Variants in SHISAL1 observed in about 807,000 individuals in gnomAD.
SHISAL1 encodes the protein shisa like 1, also known as protein shisa-like-1.
SHISAL1 carries 9 observed loss-of-function variants against 22.6 expected under a neutral mutation model. The observed-to-expected ratio is 0.40, with a 90% CI of 0.24 to 0.70. SHISAL1 has a LOEUF of 0.70. Ranked by LOEUF, SHISAL1 falls within the 30% of genes least tolerant of loss-of-function variation. The pLI, the probability that SHISAL1 is intolerant of heterozygous loss-of-function variation, is 0.39. For missense variants in SHISAL1, 246 were observed against 270.6 expected, an observed-to-expected ratio of 0.91 and a Z score of 0.64; for synonymous variants, 119 against 115.4, an observed-to-expected ratio of 1.03 and a Z score of -0.20.
At chr22:44,294,981 T>A (rs898327428) in intron 3 of SHISAL1, among the ~76,000 whole-genome samples, 1 of 152,184 alleles carries the variant, frequency 6.6e-6, no homozygotes, top group Non-Finnish European at 1.5e-5. Flanking sequence ...ATGTTTGACA[T>A]CATAAAAAGT....
chr22:44,324,847 T>G, the SHISAL1 span, among the ~76,000 whole-genome samples: 1 of 152,182 alleles, frequency 6.6e-6, no homozygotes, highest in Non-Finnish European at 1.5e-5. Context: ...CCAAAGGCCT[T>G]TCTGTCCTAG....
intron 4 of SHISAL1, among the ~76,000 whole-genome samples, chr22:44,282,915 A>G (rs1298183618): frequency 6.6e-6 from 1 of 152,178 alleles, no homozygotes; most frequent in Non-Finnish European, 1.5e-5. Context: ...AGGCTGGGCC[A>G]CCCGGGGACC....
At chr22:44,316,255 C>A (rs181539650), upstream of SHISAL1, among the ~76,000 whole-genome samples, 18 of 152,272 alleles carry the variant, frequency 1.2e-4, no homozygotes, top group East Asian at 2.1e-3. Flanking sequence ...ATCTTACTAG[C>A]TTGGGACCTC....
chr22:44,280,972 T>A lies in SHISAL1; in HGVS notation c.599+4456A>T, dbSNP rs135401. On this transcript the variant is annotated intron_variant, in intron 4 of 4. Coordinates refer to ENST00000381176, the MANE Select transcript of SHISAL1 (RefSeq NM_001099294.2). ...ACCTCCCAGGACCCAGGCCACAGCC[T>A]CAGTGATGATGACAGCACAGCATGT... Among the ~76,000 whole-genome samples, 103 of 151,952 alleles carry A rather than the reference T, an allele frequency of 6.8e-4. 2 individuals are homozygous for A. The highest frequency in any genetic ancestry group is 2.6e-4 in the Admixed American group (4 of 15,274).
intron 4 of SHISAL1, among the ~76,000 whole-genome samples, chr22:44,276,147 G>A (rs1003530447): frequency 3.9e-5 from 6 of 152,186 alleles, no homozygotes; most frequent in Admixed American, 6.5e-5. Context: ...ACAAAGTGAC[G>A]GGGGGAGGTG....
chr22:44,249,322 A>T lies in SHISAL1; in HGVS notation c.*363T>A. 1 of 233,936 alleles carries T rather than the reference A, an allele frequency of 4.3e-6. No individual in the cohort carries two copies. 14.5% of individuals were successfully genotyped at this position (233,936 alleles called of 1,614,324 possible). A position where few individuals can be genotyped will look rare whatever the true frequency, so the allele number is the denominator to read the frequency against. ...AGGGGCAAGGGAAGCTTCGGTTTTCAACCACAGGTATAACTCACAGGCCTC... is the reference window on the plus strand; with the variant it reads ...AGGGGCAAGGGAAGCTTCGGTTTTCTACCACAGGTATAACTCACAGGCCTC... On this transcript the variant is annotated 3_prime_UTR_variant, in exon 5 of 5. Coordinates refer to ENST00000381176, the MANE Select transcript of SHISAL1 (RefSeq NM_001099294.2).
At chr22:44,277,064 C>T (rs2018067) in intron 4 of SHISAL1, among the ~76,000 whole-genome samples, 1 of 152,192 alleles carries the variant, frequency 6.6e-6, no homozygotes, top group Non-Finnish European at 1.5e-5. Context: ...TGGCGAACTC[C>T]TATTCATCCA....
chr22:44,300,379 T>A (rs2055419731), intron 2 of SHISAL1, among the ~76,000 whole-genome samples: 1 of 152,048 alleles, frequency 6.6e-6, no homozygotes. Context: ...GCAGAGGACT[T>A]AGTTTGTGCT....
the SHISAL1 span, among the ~76,000 whole-genome samples, chr22:44,325,146 G>A: frequency 6.6e-6 from 1 of 152,092 alleles, no homozygotes; most frequent in African/African-American, 2.4e-5. Flanking sequence ...GGGAGGCTGA[G>A]GCAAGAGAAT....
chr22:44,290,943 C>T (rs2055348844), intron 3 of SHISAL1, among the ~76,000 whole-genome samples: 1 of 152,132 alleles, frequency 6.6e-6, no homozygotes, highest in African/African-American at 2.4e-5. Context: ...GGCTTTGGGC[C>T]TGGATATACC....
intron 4 of SHISAL1, among the ~76,000 whole-genome samples, chr22:44,255,954 G>A (rs2055081422): frequency 6.6e-6 from 1 of 152,206 alleles, no homozygotes; most frequent in African/African-American, 2.4e-5. Context: ...CCTAGCAGAT[G>A]GAGGAAAACT....
In SHISAL1 at chr22:44,247,081, A is replaced by C. The variant is rs2055007645; in HGVS notation, c.*2604T>G. 6.6e-6 allele frequency: 1 copy of C among 152,132 alleles called. No homozygotes were observed. Among genetic ancestry groups the C allele is most frequent in the South Asian group, 2.1e-4 (1 of 4,818 alleles). The allele number at this position is 152,132 out of a possible 1,614,324, so 9.4% of individuals were successfully genotyped here. ...CTCAAGGGATGCTTAGGTGAACCCCAGTTCTAGCTGTCTATTTGGCAGTGA... is the reference window on the plus strand; with the variant it reads ...CTCAAGGGATGCTTAGGTGAACCCCCGTTCTAGCTGTCTATTTGGCAGTGA... On this transcript the variant is annotated 3_prime_UTR_variant, in exon 5 of 5. Transcript: ENST00000381176.
intron 1 of SHISAL1, among the ~76,000 whole-genome samples, chr22:44,307,532 T>G (rs1054847218): frequency 1.9e-4 from 29 of 152,162 alleles, no homozygotes; most frequent in Admixed American, 1.6e-3. Context: ...TCTCTGAAAA[T>G]TGGTAAACTT....
chr22:44,309,939 G>T (rs76701610), intron 1 of SHISAL1, among the ~76,000 whole-genome samples: 1,914 of 152,346 alleles, frequency 0.013, 38 homozygotes, highest in African/African-American at 0.044. Context: ...CTTCATGCTT[G>T]CAGGGGGAAG....
At chr22:44,291,279 A>G (rs1394339111) in intron 3 of SHISAL1, among the ~76,000 whole-genome samples, 2 of 152,224 alleles carry the variant, frequency 1.3e-5, no homozygotes, top group African/African-American at 4.8e-5. Context: ...ATGAGCCAAA[A>G]GGAAGCCTTC....
intron 2 of SHISAL1, among the ~76,000 whole-genome samples, chr22:44,299,951 CAG>C (rs1366724128): frequency 5.6e-5 from 8 of 141,746 alleles, no homozygotes; most frequent in Admixed American, 2.8e-4. Context: ...GAGAGACAGA[CAG>C]AGACAGACAC....
At chr22:44,305,559 G>A (rs1044944595) in intron 1 of SHISAL1, among the ~76,000 whole-genome samples, 7 of 152,252 alleles carry the variant, frequency 4.6e-5, no homozygotes, top group African/African-American at 1.7e-4. Context: ...GCCTGAAGGC[G>A]GGGGCTGGGG....
At chr22:44,321,819 C>T in the SHISAL1 span, among the ~76,000 whole-genome samples, 2 of 152,170 alleles carry the variant, frequency 1.3e-5, no homozygotes, top group Non-Finnish European at 2.9e-5. Context: ...GGTGTCTCTC[C>T]TCCCCAAAGA....
chr22:44,324,556 CTG>C, the SHISAL1 span, among the ~76,000 whole-genome samples: 9 of 152,252 alleles, frequency 5.9e-5, no homozygotes, highest in Admixed American at 5.9e-4. Flanking sequence ...TGAATGCACA[CTG>C]TGCTAACTAA....
Sources: allele counts gnomAD v4.1 joint callset (sites outside exome capture counted in the v4.1 genomes callset), GRCh38; gene constraint gnomAD v4.1.1; transcripts MANE v1.5; gene names NCBI Gene and HGNC (gene_info 2026-07-23, HGNC 2026-07-21).